Variants in MSMO1 observed in about 807,000 individuals in gnomAD.
MSMO1 encodes the protein C-4 methylsterol oxidase.
A neutral mutation model predicts 30.4 loss-of-function variants in MSMO1; 18 were observed. The ratio of observed to expected loss-of-function variants is 0.59; its 90% CI spans 0.41 to 0.88. The LOEUF (loss-of-function observed/expected upper bound fraction) is 0.88. MSMO1 is among the 40% of genes least tolerant of loss of function. The pLI is 0.00. For missense variants in MSMO1, 284 were observed against 340.5 expected, an observed-to-expected ratio of 0.83 and a Z score of 1.31; for synonymous variants, 84 against 107.9, an observed-to-expected ratio of 0.78 and a Z score of 1.37.
intron 1 of MSMO1, among the ~76,000 whole-genome samples, chr4:165,332,750 C>T (rs186298914): frequency 6.6e-6 from 1 of 152,118 alleles, no homozygotes; most frequent in Non-Finnish European, 1.5e-5. Flanking sequence ...GACCATTTGC[C>T]TTTATTTTTC....
At chr4:165,337,286 G>A (rs9997634) in intron 2 of MSMO1, among the ~76,000 whole-genome samples, 1 of 152,032 alleles carries the variant, frequency 6.6e-6, no homozygotes, top group East Asian at 1.9e-4. Context: ...GGACATATCT[G>A]TGTACTTCTC....
chr4:165,339,083 T>G (rs922202202), intron 4 of MSMO1, among the ~76,000 whole-genome samples: 1 of 145,958 alleles, frequency 6.9e-6, no homozygotes, highest in Non-Finnish European at 1.5e-5. Context: ...AACAGTAACT[T>G]CTATGAGCAC....
chr4:165,330,882 T>A (rs1044981048), intron 1 of MSMO1, among the ~76,000 whole-genome samples: 1 of 152,176 alleles, frequency 6.6e-6, no homozygotes, highest in Non-Finnish European at 1.5e-5. Context: ...TGAGCCACCA[T>A]GCCCAGCTGA....
In MSMO1 at chr4:165,337,804, T is replaced by C. The variant is rs772464949; in HGVS notation, c.271T>C (p.Trp91Arg). 3 of 1,613,690 alleles carry C rather than the reference T, an allele frequency of 1.9e-6. No homozygotes were observed. Among genetic ancestry groups the C allele is most frequent in the Non-Finnish European group, 2.5e-6 (3 of 1,179,778 alleles). The change falls in exon 3 of 6, where the codon TGG becomes CGG. Residue 91 changes from tryptophan (W) to arginine (R), a missense_variant. By Grantham distance (101) the Trp-to-Arg change is moderately radical (BLOSUM62 -3). Transcript: ENST00000261507. ...TTCTTCGTAGGATAAGCCAGAGACA[T>C]GGGAAAACCAATGGAAGTGTTTCAA... is the stretch of plus-strand genomic sequence containing the variant. The part of the protein sequence containing the change: ...YKIQKDKPET[W>R]ENQWKCFKVL...
At chr4:165,334,621 C>T (rs1258557531) in intron 2 of MSMO1, among the ~76,000 whole-genome samples, 1 of 152,168 alleles carries the variant, frequency 6.6e-6, no homozygotes, top group Non-Finnish European at 1.5e-5. Flanking sequence ...TGAGAGGTCG[C>T]TATGTACATG....
chr4:165,338,842 C>T, intron 4 of MSMO1, 64 bp downstream of exon 4: 1 of 1,367,980 alleles, frequency 7.3e-7, no homozygotes, highest in Non-Finnish European at 1.0e-6. Context: ...ATTGCCTGAG[C>T]ATTTTTCTAA....
intron 5 of MSMO1, among the ~76,000 whole-genome samples, chr4:165,341,044 T>TC (rs202132317): frequency 0.062 from 9,450 of 152,080 alleles, 341 homozygotes; most frequent in African/African-American, 0.077. Context: ...TCTTTCTTTT[T>TC]TTTTTCTATC....
chr4:165,336,529 T>C (rs1445479012), intron 2 of MSMO1, among the ~76,000 whole-genome samples: 2 of 152,220 alleles, frequency 1.3e-5, no homozygotes. Flanking sequence ...TATCCCAGTC[T>C]ACCTGGAAAA....
chr4:165,329,858 A>G (rs1281966238), intron 1 of MSMO1, among the ~76,000 whole-genome samples: 5 of 151,460 alleles, frequency 3.3e-5, no homozygotes, highest in Admixed American at 3.3e-4. Flanking sequence ...CTGGTCTGGA[A>G]CTCCTGACCT....
chr4:165,342,287 T>A lies in MSMO1; in HGVS notation c.*341T>A, dbSNP rs182946635. 4.5e-6 allele frequency: 1 copy of A among 221,364 alleles called. No individual in the cohort carries two copies. The highest frequency in any genetic ancestry group is 1.3e-4 in the East Asian group (1 of 7,974). The allele number at this position is 221,364 out of a possible 1,614,324, so 13.7% of individuals were successfully genotyped here. On this transcript the variant is annotated 3_prime_UTR_variant, in exon 6 of 6. Coordinates refer to ENST00000261507, the MANE Select transcript of MSMO1 (RefSeq NM_006745.5). ...ATAGGCCTGAAGTTCACATTGGGTCTTTAAATCTTTTAGATATATACTGGT... is the reference window on the plus strand; with the variant it reads ...ATAGGCCTGAAGTTCACATTGGGTCATTAAATCTTTTAGATATATACTGGT...
chr4:165,331,648 T>C (rs74895857), intron 1 of MSMO1, among the ~76,000 whole-genome samples: 3,835 of 152,240 alleles, frequency 0.025, 156 homozygotes, highest in African/African-American at 0.087. Context: ...AAAGGTCAGT[T>C]TGAGAAGTGT....
intron 3 of MSMO1, 121 bp from the exon 4 acceptor site, chr4:165,338,531 G>A: frequency 1.2e-6 from 1 of 804,978 alleles, no homozygotes; most frequent in Non-Finnish European, 2.1e-6. Context: ...TATCCAATTA[G>A]GTCAACCTGG....
Position 165,340,648 on chromosome 4 carries a change from T to C in MSMO1, c.686+273T>C, listed in dbSNP as rs1550270. 140,664 of 416,676 alleles carry C rather than the reference T, an allele frequency of 0.34. 25,028 individuals are homozygous for C. Among genetic ancestry groups the C allele is most frequent in the Admixed American group, 0.48 (12,119 of 25,080 alleles). The allele number at this position is 416,676 out of a possible 1,614,324, so 25.8% of individuals were successfully genotyped here. On this transcript the variant is annotated intron_variant, in intron 5 of 5. Transcript: ENST00000261507. ...TTATCCTTCTGTAATAAACCTAAAC[T>C]TAACTCATATTTGAAAAAAATATCA...
chr4:165,338,035 G>C, intron 3 of MSMO1, 98 bp downstream of exon 3: 1 of 1,162,854 alleles, frequency 8.6e-7, no homozygotes, highest in Non-Finnish European at 1.3e-6. Flanking sequence ...GTTAATGTTT[G>C]TTCTAAACTT....
intron 2 of MSMO1, among the ~76,000 whole-genome samples, chr4:165,336,165 A>G (rs1043661663): frequency 6.7e-6 from 1 of 149,262 alleles, no homozygotes; most frequent in African/African-American, 2.6e-5. Context: ...GCTAATGCAC[A>G]TCCTTGCTAG....
rs566134704 is a variant in MSMO1, at chr4:165,332,467, C to T, written c.-31-873C>T. On this transcript the variant is annotated intron_variant, in intron 1 of 5. Coordinates refer to ENST00000261507, the MANE Select transcript of MSMO1 (RefSeq NM_006745.5). ...TGCTGCTACAAGCAATGCTTCCTTC[C>T]ATCTTAGCGGATCTGTCTTTGTACC... Among the ~76,000 whole-genome samples the T allele has an allele frequency of 5.9e-5, 9 of 152,256 alleles. No individual in the cohort carries two copies. In the East Asian group the frequency reaches 1.4e-3, roughly 23 times the overall value.
At chr4:165,331,333 G>A (rs1747384329) in intron 1 of MSMO1, among the ~76,000 whole-genome samples, 1 of 151,892 alleles carries the variant, frequency 6.6e-6, no homozygotes, top group African/African-American at 2.4e-5. Flanking sequence ...AAGAAAAGAC[G>A]TGAATGTGTT....
intron 2 of MSMO1, among the ~76,000 whole-genome samples, chr4:165,334,234 G>A (rs1747478246): frequency 6.6e-6 from 1 of 152,148 alleles, no homozygotes; most frequent in Non-Finnish European, 1.5e-5. Flanking sequence ...CATGTTTAAA[G>A]TGTTTGGAAG....
At chr4:165,332,315 G>A (rs75686603) in intron 1 of MSMO1, among the ~76,000 whole-genome samples, 4,755 of 152,282 alleles carry the variant, frequency 0.031, 100 homozygotes, top group Middle Eastern at 0.085. Context: ...TTTCTATGTA[G>A]AGCGTATAGA....
Sources: allele counts gnomAD v4.1 joint callset (sites outside exome capture counted in the v4.1 genomes callset), GRCh38; gene constraint gnomAD v4.1.1; transcripts MANE v1.5; gene names NCBI Gene and HGNC (gene_info 2026-07-23, HGNC 2026-07-21).